Variants in CNTNAP5 observed in about 807,000 individuals in gnomAD.
CNTNAP5 encodes the protein contactin associated protein family member 5, also known as contactin-associated protein-like 5.
Under a neutral mutation model 150.2 loss-of-function variants are expected in CNTNAP5, and 72 were observed. The observed-to-expected ratio is 0.48, with a 90% CI of 0.40 to 0.58. The LOEUF is 0.58. Ranked by LOEUF, CNTNAP5 falls within the 20% of genes least tolerant of loss-of-function variation. The pLI, the probability that CNTNAP5 is intolerant of heterozygous loss-of-function variation, is 0.00. For synonymous variants in CNTNAP5, 672 were observed against 619.8 expected (o/e 1.08, Z -1.25); for missense variants, 1,636 against 1,626.2 (o/e 1.01, Z -0.10).
chr2:124,446,408 A>C (rs1692817496), intron 5 of CNTNAP5, among the ~76,000 whole-genome samples: 1 of 152,166 alleles, frequency 6.6e-6, no homozygotes, highest in African/African-American at 2.4e-5. Flanking sequence ...TCCACTCAAG[A>C]ACCATTCAAA....
At chr2:124,476,991 T>C (rs372232615) in intron 7 of CNTNAP5, among the ~76,000 whole-genome samples, 1 of 152,170 alleles carries the variant, frequency 6.6e-6, no homozygotes, top group Non-Finnish European at 1.5e-5. Context: ...CTCCACTGTG[T>C]TTTTCTTTTG....
At chr2:124,486,370 G>T (rs1187645755) in intron 7 of CNTNAP5, among the ~76,000 whole-genome samples, 1 of 152,120 alleles carries the variant, frequency 6.6e-6, no homozygotes. Flanking sequence ...TTGGGTGACA[G>T]GTCCATCAAT....
At chr2:124,231,869 T>C (rs967457154) in intron 2 of CNTNAP5, among the ~76,000 whole-genome samples, 1 of 151,892 alleles carries the variant, frequency 6.6e-6, no homozygotes, top group African/African-American at 2.4e-5. Flanking sequence ...CAAAACCACA[T>C]GATGAGGAGG....
At chr2:124,311,325 G>A (rs552010305) in intron 3 of CNTNAP5, among the ~76,000 whole-genome samples, 16 of 152,268 alleles carry the variant, frequency 1.1e-4, no homozygotes, top group African/African-American at 3.9e-4. Context: ...TTGGTTTCGA[G>A]TGAGGCCTCT....
At chr2:124,274,872 G>A (rs1226887005) in intron 3 of CNTNAP5, among the ~76,000 whole-genome samples, 2 of 152,120 alleles carry the variant, frequency 1.3e-5, no homozygotes, top group African/African-American at 4.8e-5. Context: ...TCTTTAAGCA[G>A]CTGTGCCCAT....
chr2:124,395,794 C>A (rs551706194), intron 3 of CNTNAP5, among the ~76,000 whole-genome samples: 5 of 152,236 alleles, frequency 3.3e-5, no homozygotes, highest in African/African-American at 9.6e-5. Context: ...CACACGTGCA[C>A]GCACATACAC....
intron 3 of CNTNAP5, among the ~76,000 whole-genome samples, chr2:124,415,838 T>G (rs1265727886): frequency 6.6e-6 from 1 of 152,140 alleles, no homozygotes; most frequent in African/African-American, 2.4e-5. Flanking sequence ...ATGATACATT[T>G]TTTGCTACGT....
At chr2:124,108,681 T>C (rs1393522835) in intron 1 of CNTNAP5, among the ~76,000 whole-genome samples, 1 of 152,192 alleles carries the variant, frequency 6.6e-6, no homozygotes, top group African/African-American at 2.4e-5. Flanking sequence ...GTCACTTAGA[T>C]AATATTATTT....
chr2:124,199,413 C>CTTTT (rs70996049), intron 1 of CNTNAP5, among the ~76,000 whole-genome samples: 6,768 of 109,834 alleles, frequency 0.062, 491 homozygotes, highest in South Asian at 0.13. Flanking sequence ...TTCCAAGGTT[C>CTTTT]TTTTTTTTTT....
chr2:124,738,201 T>G (rs937903386), intron 13 of CNTNAP5, among the ~76,000 whole-genome samples: 1 of 152,178 alleles, frequency 6.6e-6, no homozygotes, highest in African/African-American at 2.4e-5. Context: ...AGAGGTTTCT[T>G]TATTACATCA....
intron 3 of CNTNAP5, among the ~76,000 whole-genome samples, chr2:124,268,395 T>C (rs1031567569): frequency 1.3e-5 from 2 of 152,088 alleles, no homozygotes; most frequent in Non-Finnish European, 2.9e-5. Context: ...GGTAAGAATA[T>C]CCCCCTTTTA....
intron 1 of CNTNAP5, among the ~76,000 whole-genome samples, chr2:124,144,675 A>G (rs1684199307): frequency 7.2e-6 from 1 of 139,682 alleles, no homozygotes; most frequent in Non-Finnish European, 1.5e-5. Flanking sequence ...TGTTAGACCT[A>G]AAACCATAAA....
chr2:124,328,985 T>C (rs1055671941), intron 3 of CNTNAP5, among the ~76,000 whole-genome samples: 1 of 152,148 alleles, frequency 6.6e-6, no homozygotes, highest in South Asian at 2.1e-4. Flanking sequence ...GCCAGATGGC[T>C]GAAGCTTAAA....
At chr2:124,025,799 C>T in intron 1 of CNTNAP5, 67 bp downstream of exon 1, 1 of 1,270,606 alleles carries the variant, frequency 7.9e-7, no homozygotes, top group East Asian at 2.3e-5. Context: ...AGACAATCAA[C>T]TATCTAAGCG....
intron 3 of CNTNAP5, among the ~76,000 whole-genome samples, chr2:124,357,017 T>C (rs1170858013): frequency 6.6e-6 from 1 of 152,344 alleles, no homozygotes; most frequent in East Asian, 1.9e-4. Flanking sequence ...TGTGAGATGG[T>C]ATCTCATTGT....
chr2:124,638,404 A>T lies in CNTNAP5; in HGVS notation c.1877-9354A>T, dbSNP rs1297038441. ...TTGAATTTTAATTTTTATCCTTAGA[A>T]TTTATTCTGCCAAGGGTATATAGTG... On this transcript the variant is annotated intron_variant, in intron 12 of 23. Coordinates refer to ENST00000682447, the MANE Select transcript of CNTNAP5 (RefSeq NM_001367498.1). Among the ~76,000 whole-genome samples the T allele has an allele frequency of 2.0e-5, 3 of 152,068 alleles. No homozygotes were observed. The East Asian group carries it at 5.8e-4, about 29-fold the overall frequency.
rs80171930 is a variant in CNTNAP5, at chr2:124,833,350, A to T, written c.3218-31956A>T. 6.6e-4 allele frequency among the ~76,000 whole-genome samples: 100 copies of T among 152,276 alleles called. No individual in the cohort carries two copies. The East Asian group carries it at 0.017, about 26-fold the overall frequency. ...AGACTCAGGAGAGACCCACCTAGTC[A>T]TCTGCAAATGTGGAGGAGATGCAGG... On this transcript the variant is annotated intron_variant, in intron 19 of 23. Transcript: ENST00000682447.
chr2:124,123,385 T>A (rs1683614036), intron 1 of CNTNAP5, among the ~76,000 whole-genome samples: 1 of 151,810 alleles, frequency 6.6e-6, no homozygotes, highest in Non-Finnish European at 1.5e-5. Flanking sequence ...GAGGCTTGAG[T>A]AGGTAAACAA....
At position 124,533,246 on chromosome 2, in the gene CNTNAP5, G is replaced by A. The variant is rs112153009; in HGVS notation, c.1649+5790G>A. Among the ~76,000 whole-genome samples the A allele has an allele frequency of 7.8e-3, 1,184 of 152,194 alleles. 21 individuals are homozygous for A. The highest frequency in any genetic ancestry group is 0.027 in the African/African-American group (1,115 of 41,480). ...AGGAGACCCCTACTTCTAGGGCCATGCATGCATGGAGATCCTGCATTTGCA... is the reference window on the plus strand; with the variant it reads ...AGGAGACCCCTACTTCTAGGGCCATACATGCATGGAGATCCTGCATTTGCA... On this transcript the variant is annotated intron_variant, in intron 10 of 23. Coordinates refer to ENST00000682447, the MANE Select transcript of CNTNAP5 (RefSeq NM_001367498.1).
Sources: allele counts gnomAD v4.1 joint callset (sites outside exome capture counted in the v4.1 genomes callset), GRCh38; gene constraint gnomAD v4.1.1; transcripts MANE v1.5; gene names NCBI Gene and HGNC (gene_info 2026-07-23, HGNC 2026-07-21).